The following PAK3 variants were observed in gnomAD, a reference collection of about 807,000 sequenced individuals.
PAK3 encodes the protein serine/threonine-protein kinase PAK 3.
A neutral mutation model predicts 41.0 loss-of-function variants in PAK3; 4 were observed. That is an observed-to-expected ratio of 0.10 (90% CI 0.05 to 0.22). The LOEUF is 0.22. PAK3 is among the 10% of genes least tolerant of loss of function. PAK3 has a pLI of 1.00. For synonymous variants in PAK3, 146 were observed against 139.6 expected (o/e 1.05, Z -0.32); for missense variants, 205 against 409.9 (o/e 0.50, Z 4.32).
At position 111,142,120 on chromosome X, in the gene PAK3, G is replaced by A; in HGVS notation, c.200G>A (p.Arg67His). 1 of 1,192,564 alleles carries A rather than the reference G, an allele frequency of 8.4e-7. No individual in the cohort carries two copies. The highest frequency in any genetic ancestry group is 1.1e-6 in the Non-Finnish European group (1 of 877,982). The change falls in exon 6 of 18, where the codon CGC becomes CAC. Residue 67 changes from arginine (R) to histidine (H), a missense_variant. By Grantham distance (29) the Arg-to-His change is conservative. Coordinates refer to ENST00000372007, the MANE Select transcript of PAK3 (RefSeq NM_002578.5). ...DKTNKKKEKE[R>H]PEISLPSDFE... ...GCCAATAAGAAGAAGGAGAAAGAGC[G>A]CCCAGAGATCTCTCTTCCTTCAGAC...
At chrX:111,216,287 A>G (rs1453582834) in intron 16 of PAK3, 134 bp from the exon 17 acceptor site, 7 of 504,600 alleles carry the variant, frequency 1.4e-5, no homozygotes, top group African/African-American at 4.7e-5. Flanking sequence ...ACTTTGAAAT[A>G]TATGTGTCAT....
chrX:110,987,219 T>C (rs771087542), intron 1 of PAK3, among the ~76,000 whole-genome samples: 35 of 112,475 alleles, frequency 3.1e-4, no homozygotes, highest in Non-Finnish European at 6.4e-4. Flanking sequence ...TTATTTTTCT[T>C]TGAAGCATAG....
intron 16 of PAK3, among the ~76,000 whole-genome samples, chrX:111,210,345 T>C (rs1195861301): frequency 9.0e-6 from 1 of 111,423 alleles, no homozygotes; most frequent in Non-Finnish European, 1.9e-5. Context: ...TGGGTCTTTC[T>C]GCATTGGCCA....
chrX:111,196,691 C>A, intron 16 of PAK3, 51 bp downstream of exon 16: 1 of 914,559 alleles, frequency 1.1e-6, no homozygotes, highest in Non-Finnish European at 1.6e-6. Context: ...GAGGAAAGGC[C>A]AAATATCATT....
intron 16 of PAK3, among the ~76,000 whole-genome samples, chrX:111,209,186 G>A (rs908038277): frequency 9.0e-6 from 1 of 111,225 alleles, no homozygotes; most frequent in South Asian, 3.9e-4. Flanking sequence ...TCCCATAACA[G>A]AGACTGGGAA....
intron 8 of PAK3, among the ~76,000 whole-genome samples, chrX:111,158,117 A>G (rs2094130160): frequency 8.9e-6 from 1 of 111,951 alleles, no homozygotes; most frequent in Non-Finnish European, 1.9e-5. Context: ...GGGAATATTT[A>G]TAGGGTTTTA....
At chrX:111,206,002 T>C (rs1401656869) in intron 16 of PAK3, among the ~76,000 whole-genome samples, 2 of 111,244 alleles carry the variant, frequency 1.8e-5, no homozygotes, top group Non-Finnish European at 3.8e-5. Context: ...GTGAGGAAGT[T>C]GATAAACCAA....
intron 1 of PAK3, among the ~76,000 whole-genome samples, chrX:110,945,902 T>A (rs750823974): frequency 1.8e-5 from 2 of 111,834 alleles, no homozygotes; most frequent in Non-Finnish European, 3.8e-5. Context: ...CAGTTAAAGG[T>A]AGTGATTAAT....
rs142075835 is a variant in PAK3 at position 111,035,645 on chromosome X, T to G, written c.-27-87432T>G. Among the ~76,000 whole-genome samples the G allele has an allele frequency of 7.8e-3, 873 of 112,220 alleles. 12 individuals are homozygous for G. The highest frequency in any genetic ancestry group is 0.027 in the African/African-American group (836 of 30,906). On this transcript the variant is annotated intron_variant, in intron 1 of 14. Coordinates refer to the PAK3 transcript ENST00000425146. ...AGAAAATTCTTTAAAAATAGAACTT[T>G]AAGTGCTGTGCAACTACATGATATT...
At chrX:111,093,120 A>G (rs775320716), upstream of PAK3, among the ~76,000 whole-genome samples, 1 of 111,948 alleles carries the variant, frequency 8.9e-6, no homozygotes, top group Admixed American at 9.5e-5. Flanking sequence ...TTGGGTTGGT[A>G]AAGACCCAGA....
At chrX:111,149,722 C>T (rs1001149946) in intron 7 of PAK3, among the ~76,000 whole-genome samples, 23 of 111,646 alleles carry the variant, frequency 2.1e-4, no homozygotes, top group Non-Finnish European at 9.4e-5. Flanking sequence ...GCACACAGCA[C>T]GGGGACCCTG....
chrX:110,968,418 G>A (rs2091127038), intron 1 of PAK3, among the ~76,000 whole-genome samples: 1 of 112,595 alleles, frequency 8.9e-6, no homozygotes, highest in Admixed American at 9.4e-5. Context: ...GTTTTCCAGA[G>A]TGGCTATACC....
chrX:111,082,356 C>T (rs958472013), intron 1 of PAK3, among the ~76,000 whole-genome samples: 17 of 111,791 alleles, frequency 1.5e-4, no homozygotes, highest in Non-Finnish European at 2.3e-4. Context: ...AAGTGCATGC[C>T]ATTTCATTTG....
chrX:111,148,922 G>T (rs143688124), intron 7 of PAK3, among the ~76,000 whole-genome samples: 282 of 111,041 alleles, frequency 2.5e-3, no homozygotes, highest in African/African-American at 9.0e-3. Context: ...ACTCATTTCA[G>T]CAGTAACTCA....
intron 1 of PAK3, among the ~76,000 whole-genome samples, chrX:111,027,389 A>C (rs758267773): frequency 8.9e-6 from 1 of 112,267 alleles, no homozygotes; most frequent in African/African-American, 3.2e-5. Context: ...CAACCCACAG[A>C]GTGGGAGAAA....
intron 1 of PAK3, among the ~76,000 whole-genome samples, chrX:111,002,482 T>C (rs751209386): frequency 1.1e-4 from 12 of 111,578 alleles, no homozygotes; most frequent in African/African-American, 2.3e-4. Context: ...TGGGGCTCCA[T>C]ACACAAGGAT....
intron 1 of PAK3, among the ~76,000 whole-genome samples, chrX:111,056,801 T>C (rs151283911): frequency 0.016 from 1,822 of 111,871 alleles, 17 homozygotes; most frequent in Middle Eastern, 0.028. Flanking sequence ...TTACACATAG[T>C]GATTCCGTGA....
At chrX:111,016,422 G>T (rs1440673129) in intron 1 of PAK3, among the ~76,000 whole-genome samples, 6 of 111,513 alleles carry the variant, frequency 5.4e-5, no homozygotes, top group Non-Finnish European at 9.4e-5. Context: ...GAGAGGCAAT[G>T]CTGGGATAAC....
At chrX:110,990,716 G>A (rs954405364) in intron 1 of PAK3, among the ~76,000 whole-genome samples, 1 of 110,995 alleles carries the variant, frequency 9.0e-6, no homozygotes, top group Non-Finnish European at 1.9e-5. Flanking sequence ...CACAACGTAT[G>A]CTGGAGGTCT....
Sources: gnomAD v4.1 joint callset for allele counts (sites outside exome capture counted in the v4.1 genomes callset) on GRCh38, gnomAD v4.1.1 for gene constraint, MANE v1.5 for transcripts, NCBI Gene and HGNC (gene_info 2026-07-23, HGNC 2026-07-21) for gene names.